The following TMPRSS11B variants were observed in gnomAD, a reference collection of about 807,000 sequenced individuals.
The protein encoded by TMPRSS11B is transmembrane serine protease 11B.
In TMPRSS11B, 53 loss-of-function variants were observed where a neutral mutation model predicts 44.7. That is an observed-to-expected ratio of 1.19 (90% confidence interval 0.95 to 1.49). The LOEUF is 1.49. Among genes scored for constraint, TMPRSS11B ranks in the 40% most tolerant of loss-of-function variants. The probability of loss-of-function intolerance (pLI) is 0.00; values close to 1 mark genes in which losing one functional copy is unlikely to be tolerated. For synonymous variants in TMPRSS11B, 140 were observed against 159.2 expected (o/e 0.88, Z 0.91); for missense variants, 526 against 494.8 (o/e 1.06, Z -0.60).
intron 7 of TMPRSS11B, among the ~76,000 whole-genome samples, chr4:68,230,572 G>A (rs1719478775): frequency 1.3e-5 from 2 of 152,108 alleles, no homozygotes; most frequent in South Asian, 4.1e-4. Flanking sequence ...GGGAGGCTGA[G>A]GCAGGCGGAT....
At chr4:68,230,795 C>T (rs549084679) in intron 7 of TMPRSS11B, among the ~76,000 whole-genome samples, 10 of 133,418 alleles carry the variant, frequency 7.5e-5, no homozygotes, top group East Asian at 4.9e-4. Context: ...CAGATTGAGA[C>T]TCCATCTCAA....
chr4:68,243,249 A>G (rs1457737825), intron 1 of TMPRSS11B, among the ~76,000 whole-genome samples: 1 of 152,178 alleles, frequency 6.6e-6, no homozygotes, highest in Non-Finnish European at 1.5e-5. Context: ...ATCAGGGAAC[A>G]TATTTGGTGA....
At chr4:68,239,888 G>T (rs984669748) in intron 2 of TMPRSS11B, among the ~76,000 whole-genome samples, 2 of 152,078 alleles carry the variant, frequency 1.3e-5, no homozygotes, top group Non-Finnish European at 2.9e-5. Flanking sequence ...AAGAAGCTAG[G>T]GTTTGGAACT....
intron 1 of TMPRSS11B, among the ~76,000 whole-genome samples, chr4:68,242,749 A>G (rs570507976): frequency 8.4e-4 from 128 of 151,630 alleles, no homozygotes; most frequent in African/African-American, 2.7e-3. Context: ...TTTTTGTAAT[A>G]GAGTCAGTGG....
intron 1 of TMPRSS11B, among the ~76,000 whole-genome samples, chr4:68,244,507 C>G (rs1277643250): frequency 6.6e-6 from 1 of 152,166 alleles, no homozygotes; most frequent in Non-Finnish European, 1.5e-5. Flanking sequence ...GCATCTGTAA[C>G]CACAGCTACT....
At chr4:68,242,357 T>TATATTATAATATATATTATATATAA (rs1414354014) in intron 1 of TMPRSS11B, among the ~76,000 whole-genome samples, 1 of 61,092 alleles carries the variant, frequency 1.6e-5, no homozygotes, top group Non-Finnish European at 2.9e-5. Context: ...ATATATAATA[T>TATATTATAATATATATTATATATAA]TATATTATAT....
chr4:68,229,895 C>CT (rs57783156), intron 7 of TMPRSS11B, among the ~76,000 whole-genome samples: 104,496 of 151,750 alleles, frequency 0.69, 37,971 homozygotes, highest in East Asian at 0.99. Context: ...TCAATAGCTA[C>CT]TTTTTTTACC....
Position 68,229,280 on chromosome 4 carries a change from C to T in TMPRSS11B, c.923G>A (p.Gly308Asp), listed in dbSNP as rs1271018835. 1.2e-6 allele frequency: 2 copies of T among 1,609,858 alleles called. No homozygotes were observed. The highest frequency in any genetic ancestry group is 1.3e-5 in the African/African-American group (1 of 74,720). Residue 308 changes from glycine to aspartate, a missense_variant, in exon 8 of 10, where the codon GGT becomes GAT. Coordinates refer to ENST00000332644, the MANE Select transcript of TMPRSS11B (RefSeq NM_182502.3). ...LSENDNVVVT[G>D]WGTLYMNGSF... Reference sequence around the variant, plus strand: ...ACCATTCATATAAAGTGTTCCCCAACCTGTAACTACAACATTGTCATTTTC... The same window carrying T: ...ACCATTCATATAAAGTGTTCCCCAATCTGTAACTACAACATTGTCATTTTC...
At chr4:68,236,844 CT>C (rs1719681962) in intron 2 of TMPRSS11B, among the ~76,000 whole-genome samples, 1 of 151,970 alleles carries the variant, frequency 6.6e-6, no homozygotes, top group Non-Finnish European at 1.5e-5. Context: ...GTCTTGCACC[CT>C]TTTGTATGCC....
At chr4:68,238,780 AATAG>A (rs1362449735) in intron 2 of TMPRSS11B, among the ~76,000 whole-genome samples, 1 of 151,998 alleles carries the variant, frequency 6.6e-6, no homozygotes, top group Non-Finnish European at 1.5e-5. Context: ...ACTAAATTAC[AATAG>A]ATAAACTCTA....
In TMPRSS11B at chr4:68,229,451, C is replaced by T. The variant is rs139488710; in HGVS notation, c.752G>A (p.Arg251Gln). Residue 251 changes from arginine to glutamine, a missense_variant, in exon 8 of 10, where the codon CGG (arginine) becomes CAG (glutamine). Physicochemically the swap from Arg to Gln is conservative, Grantham distance 43. Coordinates refer to ENST00000332644, the MANE Select transcript of TMPRSS11B (RefSeq NM_182502.3). ...ATGAAAAATAATGTTTTGGACTTTC[C>T]GTGTCATATATGGTTTATTTACTAC... ...GIVVNKPYMT[R>Q]KVQNIIFHEN... is the part of the protein sequence containing the mutation. 209 of 1,613,656 alleles carry T rather than the reference C, an allele frequency of 1.3e-4. No individual in the cohort carries two copies. In the African/African-American group the frequency reaches 1.9e-3, roughly 15 times the overall value.
chr4:68,234,638 A>T lies in TMPRSS11B; in HGVS notation c.309-15T>A. On this transcript the variant is annotated splice_polypyrimidine_tract_variant and intron_variant, in intron 4 of 9. Transcript: ENST00000332644. ...TGGCATTAGGCCTAGAAACAACAGAAATTTTCTAATGTACTGTTTCTTGAT... is the reference window on the plus strand; with the variant it reads ...TGGCATTAGGCCTAGAAACAACAGATATTTTCTAATGTACTGTTTCTTGAT... 6.2e-7 allele frequency: 1 copy of T among 1,611,762 alleles called. No individual in the cohort carries two copies. The highest frequency in any genetic ancestry group is 1.1e-5 in the South Asian group (1 of 90,386).
Position 68,241,694 on chromosome 4 carries a change from G to A in TMPRSS11B, c.119C>T (p.Ala40Val), listed in dbSNP as rs371129508. ...TGAAAATAATCAGTACTCACCAACTGCCAGAAAATGAACAAGAAGACCAAT... is the reference window on the plus strand; with the variant it reads ...TGAAAATAATCAGTACTCACCAACTACCAGAAAATGAACAAGAAGACCAAT... ...VTIGLLVHFLAVEKTYYYQGD... is the reference protein window; with the variant it reads ...VTIGLLVHFLVVEKTYYYQGD... The change falls in exon 2 of 10, where the codon GCA becomes GTA. Residue 40 changes from alanine to valine, a missense_variant. Physicochemically the swap from Ala to Val is moderately conservative, Grantham distance 64. Transcript: ENST00000332644. The A allele has an allele frequency of 1.8e-5, 29 of 1,604,528 alleles. No individual in the cohort carries two copies. Among genetic ancestry groups the A allele is most frequent in the Non-Finnish European group, 2.3e-5 (27 of 1,172,000 alleles).
chr4:68,228,824 T>C lies in TMPRSS11B; in HGVS notation c.1007A>G (p.Asn336Ser), dbSNP rs1719426534. Residue 336 changes from asparagine (N) to serine (S), a missense_variant, in exon 9 of 10, where the codon AAT becomes AGT. By Grantham distance (46) the Asn-to-Ser change is conservative. Transcript: ENST00000332644. ...AAAGCCAGAGTATGCATATGAGGCATTGCAAATTTTGTTGTCAATAATCTT... is the reference window on the plus strand; with the variant it reads ...AAAGCCAGAGTATGCATATGAGGCACTGCAAATTTTGTTGTCAATAATCTT... Reference protein sequence around the residue: ...FLKIIDNKICNASYAYSGFVT... With the variant: ...FLKIIDNKICSASYAYSGFVT... 6 of 1,613,702 alleles carry C rather than the reference T, an allele frequency of 3.7e-6. No individual in the cohort carries two copies. In the South Asian group the frequency reaches 6.6e-5, roughly 18 times the overall value.
intron 7 of TMPRSS11B, among the ~76,000 whole-genome samples, chr4:68,229,895 C>A (rs1560440854): frequency 6.6e-6 from 1 of 151,720 alleles, no homozygotes; most frequent in Non-Finnish European, 1.5e-5. Context: ...TCAATAGCTA[C>A]TTTTTTTACC....
In TMPRSS11B at chr4:68,242,303, A is replaced by T. The variant is rs186267381; in HGVS notation, c.9-499T>A. Among the ~76,000 whole-genome samples, 12 of 8,842 alleles carry T rather than the reference A, an allele frequency of 1.4e-3. No homozygotes were observed. In the South Asian group the frequency reaches 0.049, roughly 36 times the overall value. 5.8% of individuals were successfully genotyped at this position (8,842 alleles called of 152,430 possible). ...TATATATTATATTATACATAATATA[A>T]TATATATAATATTATATATATAATA... On this transcript the variant is annotated intron_variant, in intron 1 of 9. Coordinates refer to ENST00000332644, the MANE Select transcript of TMPRSS11B (RefSeq NM_182502.3).
intron 9 of TMPRSS11B, among the ~76,000 whole-genome samples, chr4:68,228,321 T>A (rs1015693413): frequency 6.6e-6 from 1 of 152,158 alleles, no homozygotes; most frequent in African/African-American, 2.4e-5. Flanking sequence ...AGCTTGAATA[T>A]GGAGAAGGTG....
At chr4:68,235,698 T>C (rs1719640292) in intron 4 of TMPRSS11B, among the ~76,000 whole-genome samples, 1 of 152,206 alleles carries the variant, frequency 6.6e-6, no homozygotes, top group Admixed American at 6.5e-5. Context: ...AGCAGTCAGT[T>C]AGGACTGACC....
rs371087444 is a variant in TMPRSS11B at position 68,233,779 on chromosome 4, A to C, written c.469+684T>G. ...AAATCAATAAGAACTCCCATCCCTA[A>C]CATTGTTCTTAACTCCTGCAGTCTC... is the stretch of plus-strand genomic sequence containing the variant. On this transcript the variant is annotated intron_variant, in intron 5 of 9. Coordinates refer to ENST00000332644, the MANE Select transcript of TMPRSS11B (RefSeq NM_182502.3). Among the ~76,000 whole-genome samples, 17 of 152,196 alleles carry C rather than the reference A, an allele frequency of 1.1e-4. No homozygotes were observed. In the South Asian group the frequency reaches 1.5e-3, roughly 13 times the overall value.
Sources: allele counts gnomAD v4.1 joint callset (sites outside exome capture counted in the v4.1 genomes callset), GRCh38; gene constraint gnomAD v4.1.1; transcripts MANE v1.5; gene names NCBI Gene and HGNC (gene_info 2026-07-23, HGNC 2026-07-21).